The following CYTH1 variants were observed in gnomAD, a reference collection of about 807,000 sequenced individuals.
CYTH1 encodes the protein cytohesin-1.
Under a neutral mutation model 61.8 loss-of-function variants are expected in CYTH1, and 18 were observed. The ratio of observed to expected loss-of-function variants is 0.29; its 90% CI spans 0.20 to 0.43. The LOEUF (loss-of-function observed/expected upper bound fraction) is 0.43, where lower values mean the gene tolerates loss of function less well. Ranked by LOEUF, CYTH1 falls within the 20% of genes least tolerant of loss-of-function variation. The pLI is 1.00. For missense variants in CYTH1, 336 were observed against 510.5 expected (o/e 0.66, Z 3.29); for synonymous variants, 174 against 184.3 (o/e 0.94, Z 0.45).
rs1286447988 is a variant in CYTH1 at position 78,674,092 on chromosome 17, C to T, written c.*1999G>A. On this transcript the variant is annotated 3_prime_UTR_variant, in exon 14 of 14. Transcript: ENST00000446868. ...GTTTATTTGCTGCAGTTCCTTGGCG[C>T]TAGTTTACAAGGCAAAAACAAACAA... The T allele has an allele frequency of 6.6e-6, 1 of 152,522 alleles. No individual in the cohort carries two copies. The highest frequency in any genetic ancestry group is 1.5e-5 in the Non-Finnish European group (1 of 68,032). The allele number at this position is 152,522 out of a possible 1,614,324, so 9.4% of individuals were successfully genotyped here. A position where few individuals can be genotyped will look rare whatever the true frequency, so the allele number is the denominator to read the frequency against.
chr17:78,678,963 A>C (rs2092729684), intron 13 of CYTH1, among the ~76,000 whole-genome samples: 1 of 152,180 alleles, frequency 6.6e-6, no homozygotes, highest in Non-Finnish European at 1.5e-5. Context: ...GTCTGTTTTC[A>C]TTGCATGAAT....
At position 78,689,967 on chromosome 17, in the gene CYTH1, C is replaced by T. The variant is rs75444468; in HGVS notation, c.891+2450G>A. Reference sequence around the variant, plus strand: ...CTGCTGCCCCTGCCACCGCTGCTTCCGCTGCTGCCCAGGGCTGCAGTGCAC... The same window carrying T: ...CTGCTGCCCCTGCCACCGCTGCTTCTGCTGCTGCCCAGGGCTGCAGTGCAC... On this transcript the variant is annotated intron_variant, in intron 11 of 13. Transcript: ENST00000446868. 8.3e-3 allele frequency among the ~76,000 whole-genome samples: 1,262 copies of T among 152,046 alleles called. 18 individuals are homozygous for T. The highest frequency in any genetic ancestry group is 0.028 in the African/African-American group (1,149 of 41,480).
intron 1 of CYTH1, among the ~76,000 whole-genome samples, chr17:78,737,900 CG>C (rs2093327427): frequency 6.8e-6 from 1 of 146,810 alleles, no homozygotes; most frequent in Admixed American, 6.9e-5. Flanking sequence ...CACACACACA[CG>C]ATATTTTATA....
chr17:78,688,365 T>C (rs2092838387), intron 11 of CYTH1, among the ~76,000 whole-genome samples: 1 of 152,204 alleles, frequency 6.6e-6, no homozygotes, highest in Admixed American at 6.5e-5. Flanking sequence ...CAAGCATTGT[T>C]GTCTTGTTGT....
At position 78,681,017 on chromosome 17, in the gene CYTH1, G is replaced by A; in HGVS notation, c.917C>T (p.Pro306Leu). The change falls in exon 12 of 14, where the codon CCT (proline) becomes CTT (leucine). Residue 306 changes from proline (P) to leucine (L), a missense_variant. Around this residue, in one of 4 missense-constraint regions of CYTH1, gnomAD observed 16 missense variants for 57.9 expected, o/e 0.28. Coordinates refer to ENST00000446868, the MANE Select transcript of CYTH1 (RefSeq NM_004762.6). ...TTDKEPRGII[P>L]LENLSIREVE... ...TTCCCGGATACTCAGATTCTCTAAAGGGATGATTCCACGGGGCTCCTTATC... is the reference window on the plus strand; with the variant it reads ...TTCCCGGATACTCAGATTCTCTAAAAGGATGATTCCACGGGGCTCCTTATC... The A allele has an allele frequency of 6.2e-7, 1 of 1,614,054 alleles. No individual in the cohort carries two copies. Among genetic ancestry groups the A allele is most frequent in the Non-Finnish European group, 8.5e-7 (1 of 1,180,006 alleles).
chr17:78,681,338 C>T (rs2092760405), intron 11 of CYTH1, among the ~76,000 whole-genome samples: 1 of 152,110 alleles, frequency 6.6e-6, no homozygotes. Flanking sequence ...GTGTGCGGGC[C>T]CCTTTCCCTC....
chr17:78,720,573 C>A (rs2093219484), intron 1 of CYTH1, among the ~76,000 whole-genome samples: 1 of 152,256 alleles, frequency 6.6e-6, no homozygotes, highest in Non-Finnish European at 1.5e-5. Context: ...CCTGCTTCAG[C>A]CTCCCAAAGT....
chr17:78,740,921 T>C (rs752820778), intron 1 of CYTH1, among the ~76,000 whole-genome samples: 4 of 152,168 alleles, frequency 2.6e-5, no homozygotes, highest in Non-Finnish European at 5.9e-5. Context: ...CAAAGTACAC[T>C]TTAAAATAAC....
At chr17:78,704,058 G>A (rs1014550891) in intron 3 of CYTH1, among the ~76,000 whole-genome samples, 12 of 152,330 alleles carry the variant, frequency 7.9e-5, no homozygotes, top group Middle Eastern at 6.8e-3. Context: ...CAGATTCACA[G>A]ACCAAGCTTC....
In CYTH1 at chr17:78,697,220, A is replaced by G. The variant is rs74001207; in HGVS notation, c.811+1049T>C. Among the ~76,000 whole-genome samples, 638 of 152,080 alleles carry G rather than the reference A, an allele frequency of 4.2e-3. 6 individuals are homozygous for G. The highest frequency in any genetic ancestry group is 0.014 in the African/African-American group (599 of 41,436). On this transcript the variant is annotated intron_variant, in intron 9 of 13. Transcript: ENST00000446868. ...AGTACTGACTTCTAATCACTGGGGC[A>G]AGCAGTTGGGCTGGTATAGGACGGA...
chr17:78,704,130 C>T (rs952080491), intron 3 of CYTH1, among the ~76,000 whole-genome samples: 2 of 152,170 alleles, frequency 1.3e-5, no homozygotes, highest in Non-Finnish European at 2.9e-5. Context: ...ACGCTCCGCT[C>T]GTTTATACAT....
rs537701923 is a variant in CYTH1, at chr17:78,721,688, A to G, written c.23-11956T>C. ...CCTGGAGCAAACAATCACCTCTTCC[A>G]GCCTCAGTTTCCTCACTTATGTAAT... is the stretch of plus-strand genomic sequence containing the variant. On this transcript the variant is annotated intron_variant, in intron 1 of 13. Transcript: ENST00000446868. Among the ~76,000 whole-genome samples the G allele has an allele frequency of 2.0e-5, 3 of 152,322 alleles. No homozygotes were observed. The East Asian group carries it at 5.8e-4, about 29-fold the overall frequency.
chr17:78,676,619 T>A, intron 13 of CYTH1: 1 of 273,754 alleles, frequency 3.7e-6, no homozygotes, highest in East Asian at 1.1e-4. Context: ...AGTGGGGCCT[T>A]CCAAGCCCCC....
At chr17:78,718,750 A>G (rs2093203824) in intron 1 of CYTH1, among the ~76,000 whole-genome samples, 1 of 152,254 alleles carries the variant, frequency 6.6e-6, no homozygotes, top group Non-Finnish European at 1.5e-5. Context: ...AGTTTTGTCC[A>G]GCTGTAAAAT....
intron 3 of CYTH1, among the ~76,000 whole-genome samples, chr17:78,706,048 ATACT>A (rs1252859137): frequency 1.3e-5 from 2 of 152,190 alleles, no homozygotes; most frequent in Non-Finnish European, 2.9e-5. Flanking sequence ...TTTGTTTTTT[ATACT>A]TTTCTGTATT....
chr17:78,736,214 C>A (rs2093319249), intron 1 of CYTH1, among the ~76,000 whole-genome samples: 1 of 152,142 alleles, frequency 6.6e-6, no homozygotes, highest in Non-Finnish European at 1.5e-5. Context: ...CAGATTCTTT[C>A]TGGATATTTG....
rs1478376730 is a variant in CYTH1 at position 78,760,551 on chromosome 17, ATATATG to A, written c.22+21645_22+21650del. On this transcript the variant is annotated intron_variant, in intron 1 of 13. Coordinates refer to ENST00000446868, the MANE Select transcript of CYTH1 (RefSeq NM_004762.6). ...TATATACATACATATATATGTATAT[ATATATG>A]TATATATATATACACATACATATAT... 7.4e-4 allele frequency among the ~76,000 whole-genome samples: 21 copies of A among 28,220 alleles called. 1 individual carries two copies. The highest frequency in any genetic ancestry group is 1.3e-3 in the African/African-American group (12 of 9,506). 18.5% of individuals were successfully genotyped at this position (28,220 alleles called of 152,430 possible). A position where few individuals can be genotyped will look rare whatever the true frequency, so the allele number is the denominator to read the frequency against.
At position 78,755,491 on chromosome 17, in the gene CYTH1, T is replaced by TAAAA. The variant is rs3073742; in HGVS notation, c.22+26707_22+26710dup. On this transcript the variant is annotated intron_variant, in intron 1 of 13. Transcript: ENST00000446868. ...GTATGATGTTGGCAGTGGGTTTATT[T>TAAAA]AAAAAAAAAAAAAAGGAAAGAAAGC... Among the ~76,000 whole-genome samples the TAAAA allele has an allele frequency of 2.5e-3, 330 of 129,818 alleles. 10 individuals carry two copies. The highest frequency in any genetic ancestry group is 8.6e-3 in the African/African-American group (290 of 33,712). 85.2% of individuals were successfully genotyped at this position (129,818 alleles called of 152,430 possible). A position where few individuals can be genotyped will look rare whatever the true frequency, so the allele number is the denominator to read the frequency against.
intron 1 of CYTH1, among the ~76,000 whole-genome samples, chr17:78,710,482 T>C (rs2093117714): frequency 6.6e-6 from 1 of 152,134 alleles, no homozygotes; most frequent in African/African-American, 2.4e-5. Context: ...CAACAGGAGA[T>C]TTGGACAGAC....
Sources: allele counts gnomAD v4.1 joint callset (sites outside exome capture counted in the v4.1 genomes callset), GRCh38; gene constraint gnomAD v4.1.1; regional missense constraint gnomAD v4.1.1; transcripts MANE v1.5; gene names NCBI Gene and HGNC (gene_info 2026-07-23, HGNC 2026-07-21).